Variants in ZPLD1 observed in about 807,000 individuals in gnomAD.
ZPLD1 encodes the protein zona pellucida-like domain-containing protein 1.
A neutral mutation model predicts 47.2 loss-of-function variants in ZPLD1; 34 were observed. The observed-to-expected ratio is 0.72, with a 90% confidence interval of 0.55 to 0.96. The LOEUF is 0.96. Among genes scored for constraint, ZPLD1 ranks in the 40% least tolerant of loss-of-function variants. ZPLD1 has a pLI of 0.00. For missense variants in ZPLD1, 512 were observed against 505.8 expected, an observed-to-expected ratio of 1.01 and a Z score of -0.12; for synonymous variants, 176 against 186.2, an observed-to-expected ratio of 0.95 and a Z score of 0.45.
intron 3 of ZPLD1, among the ~76,000 whole-genome samples, chr3:102,439,940 C>T (rs1430544147): frequency 6.6e-6 from 1 of 152,106 alleles, no homozygotes; most frequent in Non-Finnish European, 1.5e-5. Context: ...TTTGCTTTTA[C>T]AAAATGCTGT....
intron 10 of ZPLD1, among the ~76,000 whole-genome samples, chr3:102,474,358 G>A (rs1349601417): frequency 4.6e-5 from 7 of 152,112 alleles, no homozygotes; most frequent in Non-Finnish European, 8.8e-5. Context: ...TAGAATTGCT[G>A]AGTTTTATGA....
chr3:102,413,233 A>G (rs1193801728), intron 7 of ZPLD1, among the ~76,000 whole-genome samples: 3 of 151,844 alleles, frequency 2.0e-5, no homozygotes, highest in Non-Finnish European at 4.4e-5. Flanking sequence ...TATTTTTTTA[A>G]CAGTAAAATT....
intron 8 of ZPLD1, among the ~76,000 whole-genome samples, chr3:102,468,263 A>G (rs1344184680): frequency 6.6e-6 from 1 of 152,186 alleles, no homozygotes; most frequent in Non-Finnish European, 1.5e-5. Flanking sequence ...CAAAGTGACA[A>G]TATCTATTAA....
intron 8 of ZPLD1, among the ~76,000 whole-genome samples, chr3:102,429,285 T>A (rs949870740): frequency 6.6e-6 from 1 of 152,178 alleles, no homozygotes; most frequent in African/African-American, 2.4e-5. Context: ...TTGATTAAAA[T>A]TTTGCATTTC....
At chr3:102,403,374 C>A (rs549019832) in intron 7 of ZPLD1, among the ~76,000 whole-genome samples, 1 of 151,782 alleles carries the variant, frequency 6.6e-6, no homozygotes, top group African/African-American at 2.4e-5. Context: ...AATATTCATC[C>A]GAATTATAGA....
At chr3:102,463,816 G>A (rs922308705) in intron 7 of ZPLD1, among the ~76,000 whole-genome samples, 1 of 150,586 alleles carries the variant, frequency 6.6e-6, no homozygotes, top group Non-Finnish European at 1.5e-5. Context: ...GAGGAGGGTG[G>A]ATCACGAGGT....
chr3:102,418,740 T>G (rs1706841149), intron 8 of ZPLD1, among the ~76,000 whole-genome samples: 1 of 152,086 alleles, frequency 6.6e-6, no homozygotes, highest in Non-Finnish European at 1.5e-5. Flanking sequence ...GCATCATCTC[T>G]AATTACAATG....
intron 7 of ZPLD1, among the ~76,000 whole-genome samples, chr3:102,393,661 ACT>A (rs1187673314): frequency 2.0e-5 from 3 of 150,938 alleles, no homozygotes; most frequent in African/African-American, 7.3e-5. Flanking sequence ...AAAAAAAAAA[ACT>A]CTGGATAAAA....
At chr3:102,458,246 C>G (rs962243446) in intron 6 of ZPLD1, among the ~76,000 whole-genome samples, 1 of 151,770 alleles carries the variant, frequency 6.6e-6, no homozygotes, top group Non-Finnish European at 1.5e-5. Flanking sequence ...ATGGTGTTTC[C>G]CTTGGAGGCA....
chr3:102,412,808 T>C (rs549016710), intron 7 of ZPLD1, among the ~76,000 whole-genome samples: 32 of 151,670 alleles, frequency 2.1e-4, no homozygotes, highest in Middle Eastern at 3.4e-3. Flanking sequence ...TATGTATATA[T>C]CCCTATATAT....
intron 1 of ZPLD1, 111 bp from the exon 2 acceptor site, chr3:102,436,749 T>C (rs1707097183): frequency 2.9e-6 from 1 of 339,664 alleles, no homozygotes; most frequent in South Asian, 1.2e-4. Flanking sequence ...GTGCAAAGTG[T>C]ACATTCAGTA....
chr3:102,399,536 G>A (rs953680624), intron 7 of ZPLD1, among the ~76,000 whole-genome samples: 10 of 150,746 alleles, frequency 6.6e-5, no homozygotes, highest in African/African-American at 2.0e-4. Context: ...GCTAGTTCTC[G>A]GTCAGTATAT....
intron 3 of ZPLD1, among the ~76,000 whole-genome samples, chr3:102,448,607 C>A (rs1707293058): frequency 6.6e-6 from 1 of 152,190 alleles, no homozygotes; most frequent in Non-Finnish European, 1.5e-5. Context: ...GATCTCTTTT[C>A]TTACACTGCA....
At chr3:102,388,429 G>C (rs981322337) in intron 6 of ZPLD1, among the ~76,000 whole-genome samples, 4 of 135,934 alleles carry the variant, frequency 2.9e-5, no homozygotes, top group African/African-American at 8.2e-5. Flanking sequence ...CTCTCCTGGA[G>C]TCTCTCTCTC....
At position 102,453,038 on chromosome 3, in the gene ZPLD1, G is replaced by T; in HGVS notation, c.226G>T (p.Asp76Tyr). The part of the protein sequence containing the change: ...TDLALNGRHG[D>Y]SHCRGFINNN... ...TCTGGCACTGAATGGAAGGCATGGG[G>T]ACTCCCACTGCAGAGGGTTCATCAA... The change falls in exon 4 of 12, where the codon GAC becomes TAC. Residue 76 changes from aspartate (D) to tyrosine (Y), a missense_variant. Physicochemically the swap from Asp to Tyr is radical, Grantham distance 160 (BLOSUM62 -3). Coordinates refer to ENST00000466937, the MANE Select transcript of ZPLD1 (RefSeq NM_001329788.2). 6.2e-7 allele frequency: 1 copy of T among 1,614,124 alleles called. No individual in the cohort carries two copies. The highest frequency in any genetic ancestry group is 8.5e-7 in the Non-Finnish European group (1 of 1,179,996).
rs1428333478 is a variant in ZPLD1 at position 102,464,245 on chromosome 3, T to C, written c.755T>C (p.Phe252Ser). Residue 252 changes from phenylalanine to serine, a missense_variant, in exon 8 of 12, where the codon TTC (phenylalanine) becomes TCC (serine). Coordinates refer to ENST00000466937, the MANE Select transcript of ZPLD1 (RefSeq NM_001329788.2). ...AATGATGACATTCGATATGATCTTT[T>C]CCTTAGGTAAGACTTAGCTGTCTAA... is the stretch of plus-strand genomic sequence containing the variant. ...NPNDDIRYDL[F>S]LSCDKDPQTT... 2.5e-6 allele frequency: 4 copies of C among 1,610,264 alleles called. No individual in the cohort carries two copies. Among genetic ancestry groups the C allele is most frequent in the Non-Finnish European group, 3.4e-6 (4 of 1,176,666 alleles).
At chr3:102,470,571 C>A (rs895625359) in intron 10 of ZPLD1, 69 bp downstream of exon 10, 2 of 1,288,180 alleles carry the variant, frequency 1.6e-6, no homozygotes, top group Admixed American at 1.9e-5. Flanking sequence ...TGGCTTCTAA[C>A]GAGAACTCAA....
chr3:102,438,680 C>CG (rs1248588323), intron 3 of ZPLD1, 87 bp downstream of exon 3: 14 of 941,640 alleles, frequency 1.5e-5, no homozygotes, highest in Non-Finnish European at 2.1e-5. Flanking sequence ...ATATGGAGAA[C>CG]GGGGGGCTAT....
chr3:102,468,647 G>A (rs1359217373), intron 8 of ZPLD1, among the ~76,000 whole-genome samples: 4 of 152,150 alleles, frequency 2.6e-5, no homozygotes, highest in Non-Finnish European at 4.4e-5. Context: ...GAAAATAAAT[G>A]AGAATGAAAA....
Sources: allele counts gnomAD v4.1 joint callset (sites outside exome capture counted in the v4.1 genomes callset), GRCh38; gene constraint gnomAD v4.1.1; transcripts MANE v1.5; gene names NCBI Gene and HGNC (gene_info 2026-07-23, HGNC 2026-07-21).